MMS22L: variants seen among roughly 807,000 people sequenced by gnomAD.
MMS22L encodes the protein MMS22 like, DNA repair protein.
In MMS22L, 74 loss-of-function variants were observed where a neutral mutation model predicts 159.1. The observed-to-expected ratio is 0.47, with a 90% confidence interval of 0.39 to 0.56. The LOEUF (loss-of-function observed/expected upper bound fraction) is 0.56. Among genes scored for constraint, MMS22L ranks in the 20% least tolerant of loss-of-function variants. The pLI is 0.00. For synonymous variants in MMS22L, 517 were observed against 506.9 expected (o/e 1.02, Z -0.27); for missense variants, 1,351 against 1,422.1 (o/e 0.95, Z 0.80).
At chr6:97,151,263 C>A (rs1430279323) in intron 23 of MMS22L, among the ~76,000 whole-genome samples, 3 of 152,150 alleles carry the variant, frequency 2.0e-5, no homozygotes, top group African/African-American at 4.8e-5. Flanking sequence ...TTTTACTGTA[C>A]CTTTTCTATG....
At chr6:97,158,884 T>C (rs937712407) in intron 22 of MMS22L, among the ~76,000 whole-genome samples, 4 of 152,152 alleles carry the variant, frequency 2.6e-5, no homozygotes, top group African/African-American at 9.7e-5. Flanking sequence ...TTCTATCTCA[T>C]TGATCTAATA....
rs1800675104 is a variant in MMS22L, at chr6:97,142,245, TCCA to T, written c.*4558_*4560del. On this transcript the variant is annotated 3_prime_UTR_variant, in exon 25 of 25. Transcript: ENST00000683635. ...TAAATATGTATATAAAACTAAAATG[TCCA>T]CAATTTTTCTAAAAGCACAATTCAC... 1 of 152,022 alleles carries T rather than the reference TCCA, an allele frequency of 6.6e-6. No homozygotes were observed. Among genetic ancestry groups the T allele is most frequent in the African/African-American group, 2.4e-5 (1 of 41,418 alleles). 9.4% of individuals were successfully genotyped at this position (152,022 alleles called of 1,614,324 possible). A position where few individuals can be genotyped will look rare whatever the true frequency, so the allele number is the denominator to read the frequency against.
intron 16 of MMS22L, among the ~76,000 whole-genome samples, chr6:97,180,291 C>G (rs1438766530): frequency 6.6e-6 from 1 of 151,998 alleles, no homozygotes; most frequent in Non-Finnish European, 1.5e-5. Flanking sequence ...TTAGTAGAGA[C>G]AGCGTTTCAC....
chr6:97,224,010 A>G (rs36080758), intron 14 of MMS22L, among the ~76,000 whole-genome samples: 5 of 152,068 alleles, frequency 3.3e-5, no homozygotes, highest in Non-Finnish European at 5.9e-5. Flanking sequence ...TTTTATGGCA[A>G]TTGTTTTCAA....
rs532387398 is a variant in MMS22L, at chr6:97,217,601, T to C, written c.2039+11293A>G. On this transcript the variant is annotated intron_variant, in intron 14 of 24. Transcript: ENST00000683635. ...CTTCATTCACCTCCCACGTTAATTA[T>C]ATAATTATTAGGAACTGGGGTTAAA... Among the ~76,000 whole-genome samples, 543 of 152,256 alleles carry C rather than the reference T, an allele frequency of 3.6e-3. 4 individuals are homozygous for C. The highest frequency in any genetic ancestry group is 0.012 in the African/African-American group (518 of 41,550).
chr6:97,246,302 A>G (rs973746971), intron 11 of MMS22L: 4 of 375,172 alleles, frequency 1.1e-5, no homozygotes, highest in African/African-American at 6.3e-5. Context: ...TGAATTTTCA[A>G]TGCCAATGAC....
chr6:97,268,468 G>C (rs559367181), intron 7 of MMS22L, among the ~76,000 whole-genome samples: 2 of 152,060 alleles, frequency 1.3e-5, no homozygotes, highest in East Asian at 3.9e-4. Context: ...GATTACAGGC[G>C]TGAGCCACCA....
intron 22 of MMS22L, among the ~76,000 whole-genome samples, chr6:97,159,211 T>C (rs926564073): frequency 1.3e-5 from 2 of 151,612 alleles, no homozygotes; most frequent in African/African-American, 4.8e-5. Context: ...TTGAGATGGG[T>C]CTCTTGAATA....
intron 19 of MMS22L, 27 bp downstream of exon 19, chr6:97,173,036 T>C: frequency 6.2e-7 from 1 of 1,600,228 alleles, no homozygotes; most frequent in Non-Finnish European, 8.5e-7. Context: ...GAAATGTTAC[T>C]AGCAAAATAA....
chr6:97,228,685 G>T (rs1446842048), intron 14 of MMS22L, among the ~76,000 whole-genome samples: 1 of 152,020 alleles, frequency 6.6e-6, no homozygotes, highest in Non-Finnish European at 1.5e-5. Flanking sequence ...AACACTTCTA[G>T]TCCCAAGCTT....
intron 11 of MMS22L, among the ~76,000 whole-genome samples, chr6:97,240,630 A>AT (rs35779472): frequency 0.012 from 1,744 of 146,970 alleles, 20 homozygotes; most frequent in East Asian, 0.033. Context: ...AAGTATGGTC[A>AT]TTTTTTTTTT....
rs986511713 is a variant in MMS22L, at chr6:97,142,598, G to A, written c.*4208C>T. 6.6e-6 allele frequency: 1 copy of A among 152,104 alleles called. No homozygotes were observed. Among genetic ancestry groups the A allele is most frequent in the African/African-American group, 2.4e-5 (1 of 41,444 alleles). The allele number at this position is 152,104 out of a possible 1,614,324, so 9.4% of individuals were successfully genotyped here. On this transcript the variant is annotated 3_prime_UTR_variant, in exon 25 of 25. Transcript: ENST00000683635. ...GATAAAAAAGCAGTGGTTTAGTACA[G>A]ATGATTCAACTTTTGGTGAGGTTTC...
intron 9 of MMS22L, among the ~76,000 whole-genome samples, chr6:97,262,695 C>A (rs1195108993): frequency 1.3e-5 from 2 of 151,492 alleles, no homozygotes; most frequent in Admixed American, 1.3e-4. Context: ...CACCCAAACC[C>A]CAAATTACAG....
At chr6:97,192,462 G>A (rs931962531) in intron 14 of MMS22L, among the ~76,000 whole-genome samples, 1 of 152,092 alleles carries the variant, frequency 6.6e-6, no homozygotes, top group African/African-American at 2.4e-5. Context: ...TGTCCTCTAT[G>A]GAGCTGCTAA....
At chr6:97,165,165 A>G (rs1018305329) in intron 21 of MMS22L, 81 bp downstream of exon 21, 3 of 1,250,938 alleles carry the variant, frequency 2.4e-6, no homozygotes, top group East Asian at 2.4e-5. Flanking sequence ...AGGGTTGCCA[A>G]TATGTTTGAA....
chr6:97,253,620 C>T (rs1161322189), intron 10 of MMS22L: 2 of 152,074 alleles, frequency 1.3e-5, no homozygotes, highest in Non-Finnish European at 2.9e-5. Context: ...TCACCATGCC[C>T]TGCTAATTTC....
rs149648199 is a variant in MMS22L, at chr6:97,282,502, T to G, written c.-25A>C. The G allele has an allele frequency of 3.1e-5, 46 of 1,492,752 alleles. No individual in the cohort carries two copies. The African/African-American group carries it at 5.6e-4, about 18-fold the overall frequency. 92.5% of individuals were successfully genotyped at this position (1,492,752 alleles called of 1,614,324 possible). On this transcript the variant is annotated 5_prime_UTR_variant, in exon 2 of 25. Transcript: ENST00000683635. ...TTGTTTACTTCATGTTCTGAAACAC[T>G]TGGGGTTCGTCGTATCATTAAGGGC... is the stretch of plus-strand genomic sequence containing the variant.
intron 24 of MMS22L, among the ~76,000 whole-genome samples, chr6:97,149,615 C>T (rs961466128): frequency 6.6e-6 from 1 of 152,144 alleles, no homozygotes; most frequent in Non-Finnish European, 1.5e-5. Flanking sequence ...CTTTCTAAAG[C>T]GGTCACTTTG....
At chr6:97,236,085 T>C (rs924630437) in intron 11 of MMS22L, among the ~76,000 whole-genome samples, 1 of 152,060 alleles carries the variant, frequency 6.6e-6, no homozygotes, top group Admixed American at 6.5e-5. Flanking sequence ...CCCAGCACTT[T>C]GGGAGACCGA....
Sources: gnomAD v4.1 joint callset for allele counts (sites outside exome capture counted in the v4.1 genomes callset) on GRCh38, gnomAD v4.1.1 for gene constraint, MANE v1.5 for transcripts, NCBI Gene and HGNC (gene_info 2026-07-23, HGNC 2026-07-21) for gene names.